The following CSNK1A1 variants were observed in gnomAD, a reference collection of about 807,000 sequenced individuals.
The protein encoded by CSNK1A1 is casein kinase 1 alpha 1.
Under a neutral mutation model 46.1 loss-of-function variants are expected in CSNK1A1, and 7 were observed. That is an observed-to-expected ratio of 0.15 (90% CI 0.09 to 0.29). The LOEUF is 0.29. Ranked by LOEUF, CSNK1A1 falls within the 10% of genes least tolerant of loss-of-function variation. The pLI is 1.00. For synonymous variants in CSNK1A1, 137 were observed against 141.5 expected (o/e 0.97, Z 0.23); for missense variants, 96 against 417.1 (o/e 0.23, Z 6.71).
intron 9 of CSNK1A1, among the ~76,000 whole-genome samples, chr5:149,499,863 C>T (rs1312678535): frequency 2.0e-5 from 3 of 151,698 alleles, no homozygotes; most frequent in African/African-American, 7.3e-5. Context: ...TCCCTTCAAG[C>T]TACAAGACAA....
At chr5:149,545,611 T>C in intron 2 of CSNK1A1, 2 of 845,402 alleles carry the variant, frequency 2.4e-6, no homozygotes, top group Non-Finnish European at 3.9e-6. Context: ...CTTAACCTCC[T>C]TGGGCTTTAC....
At chr5:149,522,851 C>CT (rs1289698249) in intron 3 of CSNK1A1, among the ~76,000 whole-genome samples, 1 of 152,182 alleles carries the variant, frequency 6.6e-6, no homozygotes, top group Admixed American at 6.5e-5. Context: ...TTATTAGACT[C>CT]TAAGTTTCTT....
At chr5:149,500,379 C>T (rs1760807131) in intron 9 of CSNK1A1, among the ~76,000 whole-genome samples, 1 of 151,802 alleles carries the variant, frequency 6.6e-6, no homozygotes, top group Admixed American at 6.6e-5. Context: ...CCTTGTGATC[C>T]GCCCGCCTCG....
chr5:149,505,736 A>C (rs1761000641), intron 8 of CSNK1A1, 141 bp from the exon 9 acceptor site: 3 of 676,704 alleles, frequency 4.4e-6, no homozygotes, highest in Non-Finnish European at 7.2e-6. Flanking sequence ...AATATTTCTT[A>C]TTATAGATGA....
intron 2 of CSNK1A1, among the ~76,000 whole-genome samples, chr5:149,548,208 C>G (rs774412385): frequency 2.6e-5 from 4 of 152,008 alleles, no homozygotes; most frequent in African/African-American, 7.2e-5. Flanking sequence ...TGAGTTGTTT[C>G]CATGTAAAGA....
chr5:149,525,245 T>C lies in CSNK1A1; in HGVS notation c.231-74A>G, dbSNP rs990677046. 3 of 1,375,942 alleles carry C rather than the reference T, an allele frequency of 2.2e-6. No individual in the cohort carries two copies. Among genetic ancestry groups the C allele is most frequent in the African/African-American group, 1.5e-5 (1 of 67,874 alleles). The allele number at this position is 1,375,942 out of a possible 1,614,324, so 85.2% of individuals were successfully genotyped here. A position where few individuals can be genotyped will look rare whatever the true frequency, so the allele number is the denominator to read the frequency against. ...AATATCATCAACCCTAAGAATAATA[T>C]AGTTTTCTTTCACTGACTAGGTATT... On this transcript the variant is annotated intron_variant, in intron 2 of 9. Transcript: ENST00000377843. This position sits in a 1 kb window ranked among gnomAD's most constrained non-coding sequence, Gnocchi z 4.2.
rs1760596294 is a variant in CSNK1A1 at position 149,494,208 on chromosome 5, A to T, written c.*2645T>A. 1 of 152,216 alleles carries T rather than the reference A, an allele frequency of 6.6e-6. No individual in the cohort carries two copies. Among genetic ancestry groups the T allele is most frequent in the East Asian group, 1.9e-4 (1 of 5,206 alleles). The allele number at this position is 152,216 out of a possible 1,614,324, so 9.4% of individuals were successfully genotyped here. On this transcript the variant is annotated 3_prime_UTR_variant, in exon 10 of 10. Coordinates refer to ENST00000377843, the MANE Select transcript of CSNK1A1 (RefSeq NM_001892.6). ...ATTTATGAGTACTGCAAGGACTAAC[A>T]GAAACAGGAAAAATCCTACTAAAAA...
At chr5:149,511,927 TGAAA>T in intron 5 of CSNK1A1, 55 bp from the exon 6 acceptor site, 1 of 1,365,088 alleles carries the variant, frequency 7.3e-7, no homozygotes, top group Non-Finnish European at 1.0e-6. Flanking sequence ...AAAAAACATA[TGAAA>T]GAAAGTCAAG....
At chr5:149,538,591 A>G (rs977726889) in intron 2 of CSNK1A1, among the ~76,000 whole-genome samples, 1 of 152,214 alleles carries the variant, frequency 6.6e-6, no homozygotes, top group Admixed American at 6.5e-5. Flanking sequence ...AATAATTTCA[A>G]TCAAGGGCAA....
At chr5:149,528,943 T>C (rs1196648500) in intron 2 of CSNK1A1, among the ~76,000 whole-genome samples, 1 of 151,322 alleles carries the variant, frequency 6.6e-6, no homozygotes, top group Non-Finnish European at 1.5e-5. Context: ...TTTCTAGGCC[T>C]TCAAACTAGA....
intron 9 of CSNK1A1, chr5:149,504,523 C>G (rs1561752131): frequency 1.0e-6 from 1 of 985,148 alleles, no homozygotes; most frequent in East Asian, 1.1e-4. Flanking sequence ...GAGGTAAGCC[C>G]CAGAAATGGG....
rs1006791187 is a variant in CSNK1A1, at chr5:149,550,388, A to G, written c.124-207T>C. ...TAGTGACGAAATCCGTACGTCCTCTAAAGTGCAGGAAAATGATTCATCCAG... is the reference window on the plus strand; with the variant it reads ...TAGTGACGAAATCCGTACGTCCTCTGAAGTGCAGGAAAATGATTCATCCAG... On this transcript the variant is annotated intron_variant, in intron 1 of 9. Coordinates refer to ENST00000377843, the MANE Select transcript of CSNK1A1 (RefSeq NM_001892.6). The surrounding 1 kb of genome is among the most constrained non-coding windows in gnomAD (Gnocchi z 4.3). 7 of 1,349,770 alleles carry G rather than the reference A, an allele frequency of 5.2e-6. No homozygotes were observed. The highest frequency in any genetic ancestry group is 6.7e-6 in the Non-Finnish European group (7 of 1,050,504). 83.6% of individuals were successfully genotyped at this position (1,349,770 alleles called of 1,614,324 possible).
Position 149,517,961 on chromosome 5 carries a change from G to T in CSNK1A1, c.456+2329C>A. 1 of 823,536 alleles carries T rather than the reference G, an allele frequency of 1.2e-6. No individual in the cohort carries two copies. The highest frequency in any genetic ancestry group is 2.0e-6 in the Non-Finnish European group (1 of 490,644). The allele number at this position is 823,536 out of a possible 1,614,324, so 51.0% of individuals were successfully genotyped here. A position where few individuals can be genotyped will look rare whatever the true frequency, so the allele number is the denominator to read the frequency against. On this transcript the variant is annotated intron_variant, in intron 4 of 9. Transcript: ENST00000377843. This position sits in a 1 kb window ranked among gnomAD's most constrained non-coding sequence, Gnocchi z 4.4. ...GGCCGGCGCAGACAGGCAACACCGAGGCATTAGAGAAAGAACAGGGTAGCC... is the reference window on the plus strand; with the variant it reads ...GGCCGGCGCAGACAGGCAACACCGATGCATTAGAGAAAGAACAGGGTAGCC...
chr5:149,523,671 T>G (rs80106133), intron 3 of CSNK1A1, among the ~76,000 whole-genome samples: 2 of 152,148 alleles, frequency 1.3e-5, no homozygotes, highest in East Asian at 3.8e-4. Flanking sequence ...CTTGGAATTA[T>G]AGACAAAGTT....
chr5:149,522,985 A>G (rs1158724061), intron 3 of CSNK1A1, among the ~76,000 whole-genome samples: 2 of 152,150 alleles, frequency 1.3e-5, no homozygotes, highest in African/African-American at 4.8e-5. Flanking sequence ...AAACAAAAAC[A>G]TAAGCCATAA....
chr5:149,551,278 T>TGA lies in CSNK1A1; in HGVS notation c.-316_-315dup, dbSNP rs1432805624. The TGA allele has an allele frequency of 3.6e-6, 1 of 274,380 alleles. No individual in the cohort carries two copies. Among genetic ancestry groups the TGA allele is most frequent in the East Asian group, 9.7e-5 (1 of 10,326 alleles). 17.0% of individuals were successfully genotyped at this position (274,380 alleles called of 1,614,324 possible). On this transcript the variant is annotated 5_prime_UTR_variant, in exon 1 of 10. Coordinates refer to ENST00000377843, the MANE Select transcript of CSNK1A1 (RefSeq NM_001892.6). The stretch of plus-strand genomic sequence containing the variant: ...GTCGCGGGCTGGAAAAGGGGCGCGG[T>TGA]GAGCTAGGGCGGCGATACCGCTGCC...
rs1760603254 is a variant in CSNK1A1 at position 149,494,475 on chromosome 5, T to A, written c.*2378A>T. 1 of 152,224 alleles carries A rather than the reference T, an allele frequency of 6.6e-6. No homozygotes were observed. Among genetic ancestry groups the A allele is most frequent in the South Asian group, 2.1e-4 (1 of 4,826 alleles). The allele number at this position is 152,224 out of a possible 1,614,324, so 9.4% of individuals were successfully genotyped here. A position where few individuals can be genotyped will look rare whatever the true frequency, so the allele number is the denominator to read the frequency against. The stretch of plus-strand genomic sequence containing the variant: ...GTGAACAAAGTAAAGAGTAGTAACC[T>A]AGAGTTCAGCTGAGTAAGCCACTGT... On this transcript the variant is annotated 3_prime_UTR_variant, in exon 10 of 10. Transcript: ENST00000377843.
rs201722541 is a variant in CSNK1A1 at position 149,505,405 on chromosome 5, C to G, written c.1006+42G>C. ...GAAATGAATTACCCAATTTTGTATTCAATTTTTTCCCTGTAACGTCACTTG... is the reference window on the plus strand; with the variant it reads ...GAAATGAATTACCCAATTTTGTATTGAATTTTTTCCCTGTAACGTCACTTG... On this transcript the variant is annotated intron_variant, in intron 9 of 9. Transcript: ENST00000377843. The G allele has an allele frequency of 5.1e-5, 81 of 1,579,254 alleles. No homozygotes were observed. The East Asian group carries it at 1.8e-3, about 35-fold the overall frequency.
intron 6 of CSNK1A1, among the ~76,000 whole-genome samples, chr5:149,510,990 G>C (rs1325393533): frequency 6.6e-6 from 1 of 152,048 alleles, no homozygotes; most frequent in Non-Finnish European, 1.5e-5. Context: ...ATAAATACAG[G>C]TATTCCTTCA....
Sources: allele counts gnomAD v4.1 joint callset (sites outside exome capture counted in the v4.1 genomes callset), GRCh38; gene constraint gnomAD v4.1.1; non-coding constraint Gnocchi (gnomAD v3.1); transcripts MANE v1.5; gene names NCBI Gene and HGNC (gene_info 2026-07-23, HGNC 2026-07-21).